Variants in MACROD2 observed in about 807,000 individuals in gnomAD.
MACROD2 encodes the protein ADP-ribose glycohydrolase MACROD2.
A neutral mutation model predicts 70.4 loss-of-function variants in MACROD2; 36 were observed. The ratio of observed to expected loss-of-function variants is 0.51; its 90% CI spans 0.39 to 0.68. The LOEUF is 0.68. Ranked by LOEUF, MACROD2 falls within the 30% of genes least tolerant of loss-of-function variation. The pLI is 0.00. For missense variants in MACROD2, 496 were observed against 538.4 expected (o/e 0.92, Z 0.78); for synonymous variants, 172 against 178.8 (o/e 0.96, Z 0.30).
At chr20:15,633,118 C>T (rs572959353) in intron 8 of MACROD2, among the ~76,000 whole-genome samples, 42 of 152,192 alleles carry the variant, frequency 2.8e-4, no homozygotes, top group Non-Finnish European at 4.3e-4. Context: ...TGGTTTATTA[C>T]ACATATGTAT....
At chr20:15,276,849 C>T (rs2077397915) in intron 6 of MACROD2, among the ~76,000 whole-genome samples, 1 of 152,170 alleles carries the variant, frequency 6.6e-6, no homozygotes, top group Non-Finnish European at 1.5e-5. Context: ...TTATAAATTG[C>T]TAATCTGAAC....
intron 3 of MACROD2, among the ~76,000 whole-genome samples, chr20:14,164,469 G>T: frequency 6.6e-6 from 1 of 152,192 alleles, no homozygotes; most frequent in East Asian, 1.9e-4. Context: ...TGTGGGTCAG[G>T]CAGGTAGGCA....
intron 5 of MACROD2, among the ~76,000 whole-genome samples, chr20:14,812,633 C>G (rs1301963895): frequency 6.6e-6 from 1 of 151,900 alleles, no homozygotes; most frequent in East Asian, 1.9e-4. Flanking sequence ...TCTGAAATTC[C>G]TTTTCCCCTC....
intron 3 of MACROD2, among the ~76,000 whole-genome samples, chr20:14,304,886 G>A (rs1458293199): frequency 2.6e-5 from 4 of 151,526 alleles, no homozygotes; most frequent in Non-Finnish European, 5.9e-5. Context: ...CTCCTAGATT[G>A]TAAGCATGTT....
At chr20:15,668,672 G>C (rs2049935575) in intron 8 of MACROD2, among the ~76,000 whole-genome samples, 1 of 152,198 alleles carries the variant, frequency 6.6e-6, no homozygotes, top group South Asian at 2.1e-4. Context: ...ACCTGGTTTT[G>C]ATGTTTGTCG....
chr20:14,897,516 A>G (rs1369382843), intron 5 of MACROD2, among the ~76,000 whole-genome samples: 3 of 152,226 alleles, frequency 2.0e-5, no homozygotes, highest in African/African-American at 7.2e-5. Flanking sequence ...ATAGTTGTAT[A>G]ATAGAACTAC....
At chr20:15,937,168 T>C (rs973150545) in intron 11 of MACROD2, among the ~76,000 whole-genome samples, 1 of 152,178 alleles carries the variant, frequency 6.6e-6, no homozygotes, top group Admixed American at 6.5e-5. Flanking sequence ...AGAAAAATAA[T>C]ATACCATCCT....
intron 2 of MACROD2, among the ~76,000 whole-genome samples, chr20:14,035,136 GACT>G (rs1322062495): frequency 1.3e-5 from 2 of 152,076 alleles, no homozygotes; most frequent in Non-Finnish European, 1.5e-5. Context: ...CATACTCTTG[GACT>G]TTATAGGTAG....
intron 5 of MACROD2, among the ~76,000 whole-genome samples, chr20:15,138,524 T>C (rs926115034): frequency 1.3e-5 from 2 of 152,186 alleles, no homozygotes; most frequent in Admixed American, 1.3e-4. Flanking sequence ...CCTTAATCTT[T>C]ACAGAAGTCT....
intron 8 of MACROD2, among the ~76,000 whole-genome samples, chr20:15,553,440 G>A (rs963826793): frequency 5.3e-5 from 8 of 152,152 alleles, no homozygotes; most frequent in African/African-American, 1.9e-4. Context: ...TTATTTGTTC[G>A]AGATAGAGTC....
chr20:15,502,662 A>G (rs2047379053), intron 8 of MACROD2, among the ~76,000 whole-genome samples: 1 of 152,190 alleles, frequency 6.6e-6, no homozygotes. Context: ...TCTGGAATAC[A>G]GTGATGGTAG....
At chr20:15,282,872 G>T (rs1203298370) in intron 6 of MACROD2, among the ~76,000 whole-genome samples, 3 of 152,094 alleles carry the variant, frequency 2.0e-5, no homozygotes, top group African/African-American at 7.2e-5. Context: ...TTCTTATGCC[G>T]CTATGAAGAA....
chr20:14,810,845 C>T (rs1172976703), intron 5 of MACROD2, among the ~76,000 whole-genome samples: 2 of 152,066 alleles, frequency 1.3e-5, no homozygotes, highest in African/African-American at 4.8e-5. Flanking sequence ...ACAATTGCTA[C>T]GAAGAGAATA....
Position 14,955,579 on chromosome 20 carries a change from T to C in MACROD2, c.418+270620T>C, listed in dbSNP as rs964576808. Among the ~76,000 whole-genome samples the C allele has an allele frequency of 9.2e-5, 14 of 152,170 alleles. 1 individual carries two copies. The highest frequency in any genetic ancestry group is 1.9e-4 in the Non-Finnish European group (13 of 67,994). ...GTGGCCAAGAAGCATTTCTGAATCA[T>C]GTGAATTCATTCTGCAACCTCATCT... On this transcript the variant is annotated intron_variant, in intron 5 of 17. Transcript: ENST00000684519.
intron 6 of MACROD2, among the ~76,000 whole-genome samples, chr20:15,255,497 G>T (rs1277195764): frequency 6.6e-6 from 1 of 152,116 alleles, no homozygotes; most frequent in African/African-American, 2.4e-5. Context: ...AGGGAATTAG[G>T]TTGACATTTA....
At chr20:14,643,038 T>C (rs1438331469) in intron 4 of MACROD2, among the ~76,000 whole-genome samples, 1 of 152,140 alleles carries the variant, frequency 6.6e-6, no homozygotes, top group African/African-American at 2.4e-5. Flanking sequence ...AGGTTGAATA[T>C]TAATAAAATA....
intron 5 of MACROD2, among the ~76,000 whole-genome samples, chr20:14,931,847 T>A (rs1415945808): frequency 1.5e-5 from 2 of 132,612 alleles, no homozygotes; most frequent in South Asian, 2.6e-4. Context: ...AAAAAAAAAA[T>A]TAGCTGGGTG....
intron 6 of MACROD2, among the ~76,000 whole-genome samples, chr20:15,289,374 A>G (rs976444728): frequency 1.3e-5 from 2 of 152,262 alleles, no homozygotes; most frequent in African/African-American, 2.4e-5. Flanking sequence ...TGTAAGAAAC[A>G]TATATAATGC....
intron 2 of MACROD2, among the ~76,000 whole-genome samples, chr20:14,059,437 G>A (rs1271874029): frequency 6.6e-6 from 1 of 152,100 alleles, no homozygotes; most frequent in Non-Finnish European, 1.5e-5. Flanking sequence ...GTCAAAAATA[G>A]GTAAATAAGA....
Sources: gnomAD v4.1 joint callset for allele counts (sites outside exome capture counted in the v4.1 genomes callset) on GRCh38, gnomAD v4.1.1 for gene constraint, MANE v1.5 for transcripts, NCBI Gene and HGNC (gene_info 2026-07-23, HGNC 2026-07-21) for gene names.